Variants in ATP6V1H observed in about 807,000 individuals in gnomAD.
ATP6V1H encodes the protein ATPase H+ transporting V1 subunit H.
ATP6V1H carries 39 observed loss-of-function variants against 71.7 expected under a neutral mutation model. That is an observed-to-expected ratio of 0.54 (90% CI 0.42 to 0.71). The LOEUF (loss-of-function observed/expected upper bound fraction) is 0.71, where lower values mean the gene tolerates loss of function less well. ATP6V1H is among the 30% of genes least tolerant of loss of function. The pLI, the probability that ATP6V1H is intolerant of heterozygous loss-of-function variation, is 0.00. For synonymous variants in ATP6V1H, 192 were observed against 199.3 expected (o/e 0.96, Z 0.31); for missense variants, 509 against 594.9 (o/e 0.86, Z 1.50).
At chr8:53,766,740 A>G (rs1468617695) in intron 11 of ATP6V1H, among the ~76,000 whole-genome samples, 1 of 152,234 alleles carries the variant, frequency 6.6e-6, no homozygotes, top group African/African-American at 2.4e-5. Context: ...AGTCTCCCAT[A>G]GCGTTCCCAG....
intron 11 of ATP6V1H, among the ~76,000 whole-genome samples, chr8:53,762,904 A>T (rs1190124341): frequency 1.3e-5 from 2 of 152,218 alleles, no homozygotes; most frequent in Non-Finnish European, 2.9e-5. Context: ...CTTACTCAAC[A>T]TGACGACAAG....
chr8:53,823,509 CTCTT>C (rs756256819), intron 4 of ATP6V1H, among the ~76,000 whole-genome samples: 144 of 152,262 alleles, frequency 9.5e-4, no homozygotes, highest in African/African-American at 2.9e-3. Context: ...GATAGTTTCA[CTCTT>C]TCTGCCCAGG....
intron 3 of ATP6V1H, among the ~76,000 whole-genome samples, chr8:53,831,166 CA>C (rs1402962032): frequency 6.6e-6 from 1 of 152,194 alleles, no homozygotes; most frequent in Non-Finnish European, 1.5e-5. Flanking sequence ...TGTCACTTAA[CA>C]ATGGGGAAAG....
At chr8:53,731,652 G>C (rs200766109) in intron 13 of ATP6V1H, among the ~76,000 whole-genome samples, 1 of 113,158 alleles carries the variant, frequency 8.8e-6, no homozygotes, top group East Asian at 4.9e-4. Context: ...GTTTTGGGAC[G>C]CAAGTCTGCT....
intron 9 of ATP6V1H, among the ~76,000 whole-genome samples, chr8:53,785,880 C>T (rs1809363495): frequency 6.6e-6 from 1 of 152,172 alleles, no homozygotes; most frequent in Admixed American, 6.5e-5. Context: ...AATGCTGCTG[C>T]TTGATCGTTC....
chr8:53,727,600 T>TC (rs1585720502), intron 13 of ATP6V1H, among the ~76,000 whole-genome samples: 1 of 152,056 alleles, frequency 6.6e-6, no homozygotes, highest in Non-Finnish European at 1.5e-5. Context: ...ATCCAAAACC[T>TC]CCCCAGTGAA....
At chr8:53,793,287 T>C (rs997845373) in intron 9 of ATP6V1H, among the ~76,000 whole-genome samples, 2 of 152,146 alleles carry the variant, frequency 1.3e-5, no homozygotes, top group Admixed American at 6.5e-5. Flanking sequence ...GCACTCCCAA[T>C]ATATAGGTGA....
chr8:53,780,792 T>C (rs1188529204), intron 9 of ATP6V1H, among the ~76,000 whole-genome samples: 1 of 152,160 alleles, frequency 6.6e-6, no homozygotes, highest in East Asian at 1.9e-4. Flanking sequence ...TATGCAGTGT[T>C]TGGTATTTTG....
rs1810863332 is a variant in ATP6V1H, at chr8:53,827,570, A to T, written c.306+1874T>A. Among the ~76,000 whole-genome samples the T allele has an allele frequency of 2.0e-5, 3 of 152,068 alleles. No homozygotes were observed. The South Asian group carries it at 6.2e-4, about 32-fold the overall frequency. On this transcript the variant is annotated intron_variant, in intron 4 of 13. Coordinates refer to ENST00000359530, the MANE Select transcript of ATP6V1H (RefSeq NM_015941.4). ...ACAAAAAACTGCAAACAAATACTGAACTCCAGGTAAAAGACTTGTTTTTTG... is the reference window on the plus strand; with the variant it reads ...ACAAAAAACTGCAAACAAATACTGATCTCCAGGTAAAAGACTTGTTTTTTG...
chr8:53,825,325 C>G lies in ATP6V1H; in HGVS notation c.306+4119G>C, dbSNP rs577047979. ...GTGCTAGGATTACAGGCATGAGCTA[C>G]TGCCAGGCCTTGTTTTGATTTTTTT... On this transcript the variant is annotated intron_variant, in intron 4 of 13. Transcript: ENST00000359530. Among the ~76,000 whole-genome samples, 344 of 152,200 alleles carry G rather than the reference C, an allele frequency of 2.3e-3. 2 individuals carry two copies. Among genetic ancestry groups the G allele is most frequent in the African/African-American group, 7.9e-3 (327 of 41,546 alleles).
At chr8:53,772,353 T>A (rs1808693291) in intron 9 of ATP6V1H, among the ~76,000 whole-genome samples, 186 bp from the exon 10 acceptor site, 2 of 152,170 alleles carry the variant, frequency 1.3e-5, no homozygotes, top group South Asian at 2.1e-4. Context: ...ATCAGAAGCC[T>A]ACTTCTGATC....
At chr8:53,839,046 A>G (rs182839627) in intron 2 of ATP6V1H, among the ~76,000 whole-genome samples, 1 of 152,346 alleles carries the variant, frequency 6.6e-6, no homozygotes, top group Non-Finnish European at 1.5e-5. Flanking sequence ...GGGTTTTACA[A>G]AAGAAATTTG....
rs1375482128 is a variant in ATP6V1H, at chr8:53,795,640, CACTT to C, written c.870+3_870+6del. ...CACATACACACAAACCAACATAAAACACTTACACGAAATGCTGCAAGAATGATTC... is the reference window on the plus strand; with the variant it reads ...CACATACACACAAACCAACATAAAACACACGAAATGCTGCAAGAATGATTC... On this transcript the variant is annotated splice_donor_5th_base_variant and intron_variant, in intron 9 of 13. Coordinates refer to ENST00000359530, the MANE Select transcript of ATP6V1H (RefSeq NM_015941.4). The C allele has an allele frequency of 6.2e-7, 1 of 1,611,698 alleles. No individual in the cohort carries two copies. The highest frequency in any genetic ancestry group is 2.2e-5 in the East Asian group (1 of 44,802).
In ATP6V1H at chr8:53,779,728, C is replaced by A. The variant is rs535747363; in HGVS notation, c.871-7561G>T. Among the ~76,000 whole-genome samples the A allele has an allele frequency of 4.1e-4, 63 of 152,172 alleles. 1 individual carries two copies. Among genetic ancestry groups the A allele is most frequent in the African/African-American group, 1.4e-3 (59 of 41,536 alleles). On this transcript the variant is annotated intron_variant, in intron 9 of 13. Transcript: ENST00000359530. ...TTCACTTATTTCTCTACTAAACTTT[C>A]GATGGTCTTTCCCAGTTACTTTTCC... is the stretch of plus-strand genomic sequence containing the variant.
intron 1 of ATP6V1H, chr8:53,842,647 A>G (rs1167069801): frequency 2.0e-5 from 3 of 152,172 alleles, no homozygotes; most frequent in African/African-American, 7.2e-5. Context: ...CCAGGCTGGA[A>G]CTCTGCAGCC....
chr8:53,769,105 A>C lies in ATP6V1H; in HGVS notation c.1175+513T>G, dbSNP rs1251489393. Among the ~76,000 whole-genome samples, 4 of 152,172 alleles carry C rather than the reference A, an allele frequency of 2.6e-5. No homozygotes were observed. In the East Asian group the frequency reaches 7.7e-4, roughly 29 times the overall value. ...TACTTTATCCCTTACCCAAAAATCA[A>C]TTCCAGATGGACTGGGTATCTAAAT... On this transcript the variant is annotated intron_variant, in intron 11 of 13. Transcript: ENST00000359530.
chr8:53,807,677 CA>C (rs1810130319), intron 7 of ATP6V1H, among the ~76,000 whole-genome samples: 1 of 152,074 alleles, frequency 6.6e-6, no homozygotes, highest in South Asian at 2.1e-4. Context: ...TTAATGTGTA[CA>C]GGGTTGGTTG....
At chr8:53,766,361 AAT>A (rs1366627111) in intron 11 of ATP6V1H, among the ~76,000 whole-genome samples, 4 of 152,190 alleles carry the variant, frequency 2.6e-5, no homozygotes, top group African/African-American at 9.7e-5. Flanking sequence ...TTAATCTCTT[AAT>A]CCTGTCAGTT....
At chr8:53,782,854 T>G (rs1276977142) in intron 9 of ATP6V1H, among the ~76,000 whole-genome samples, 828 of 152,234 alleles carry the variant, frequency 5.4e-3, no homozygotes, top group South Asian at 0.015. Flanking sequence ...TTATTGATTT[T>G]CGTATGTTGA....
Sources: allele counts gnomAD v4.1 joint callset (sites outside exome capture counted in the v4.1 genomes callset), GRCh38; gene constraint gnomAD v4.1.1; transcripts MANE v1.5; gene names NCBI Gene and HGNC (gene_info 2026-07-23, HGNC 2026-07-21).